The following SNX29 variants were observed in gnomAD, a reference collection of about 807,000 sequenced individuals.
SNX29 encodes sorting nexin 29.
In SNX29, 78 loss-of-function variants were observed where a neutral mutation model predicts 102.1. The observed-to-expected ratio is 0.76, with a 90% CI of 0.64 to 0.92. SNX29 has a LOEUF of 0.92. Ranked by LOEUF, SNX29 falls within the 40% of genes least tolerant of loss-of-function variation. SNX29 has a pLI of 0.00. For synonymous variants in SNX29, 580 were observed against 414.5 expected (o/e 1.40, Z -4.85); for missense variants, 1,280 against 1,061.7 (o/e 1.21, Z -2.86).
intron 15 of SNX29, among the ~76,000 whole-genome samples, chr16:12,324,303 G>A (rs571496461): frequency 9.9e-5 from 15 of 152,200 alleles, no homozygotes; most frequent in African/African-American, 3.4e-4. Context: ...CCAGGCCAGT[G>A]GTATAATGAG....
At chr16:12,527,354 T>TA (rs759376406) in intron 20 of SNX29, 262 of 490,276 alleles carry the variant, frequency 5.3e-4, no homozygotes, top group South Asian at 1.0e-3. Context: ...GATTTCTGGT[T>TA]AAAAAAAAAT....
At chr16:12,465,112 T>C (rs1001576055) in intron 18 of SNX29, among the ~76,000 whole-genome samples, 1 of 152,224 alleles carries the variant, frequency 6.6e-6, no homozygotes, top group African/African-American at 2.4e-5. Context: ...TTTCTGTATA[T>C]ATTTTGGATA....
intron 15 of SNX29, among the ~76,000 whole-genome samples, chr16:12,304,019 T>C (rs545848161): frequency 1.2e-4 from 19 of 152,358 alleles, no homozygotes; most frequent in African/African-American, 4.3e-4. Flanking sequence ...CATAGTGTTT[T>C]CTGTTAACAC....
intron 18 of SNX29, among the ~76,000 whole-genome samples, chr16:12,448,801 T>A (rs568441057): frequency 6.6e-6 from 1 of 152,196 alleles, no homozygotes; most frequent in Non-Finnish European, 1.5e-5. Context: ...GCTGTCCTGA[T>A]CAGGTGCATC....
intron 20 of SNX29, among the ~76,000 whole-genome samples, chr16:12,544,853 T>TGTGG (rs2077514858): frequency 6.6e-6 from 1 of 152,214 alleles, no homozygotes; most frequent in Non-Finnish European, 1.5e-5. Context: ...AATGCCCACA[T>TGTGG]GCAGCCAGTG....
chr16:12,395,056 T>C (rs2151482114), intron 16 of SNX29, among the ~76,000 whole-genome samples: 1 of 152,302 alleles, frequency 6.6e-6, no homozygotes, highest in Admixed American at 6.5e-5. Flanking sequence ...GGAGGTGTAA[T>C]TTTTCTTCTA....
At chr16:11,989,333 A>C (rs1164795604) in intron 1 of SNX29, among the ~76,000 whole-genome samples, 1 of 152,048 alleles carries the variant, frequency 6.6e-6, no homozygotes, top group Non-Finnish European at 1.5e-5. Context: ...TTGATCTTAG[A>C]CACCATAAGC....
At chr16:12,107,403 A>C (rs1269566249) in intron 11 of SNX29, among the ~76,000 whole-genome samples, 1 of 147,090 alleles carries the variant, frequency 6.8e-6, no homozygotes, top group Non-Finnish European at 1.5e-5. Flanking sequence ...GCGGTGGCTG[A>C]TGCTTGTAAT....
Position 12,098,573 on chromosome 16 carries a change from C to G in SNX29, c.1402+19658C>G, listed in dbSNP as rs572728128. 6.6e-6 allele frequency among the ~76,000 whole-genome samples: 1 copy of G among 152,168 alleles called. No individual in the cohort carries two copies. The highest frequency in any genetic ancestry group is 1.5e-5 in the Non-Finnish European group (1 of 68,044). ...TGTGCGCAGACGATTCAGTTTCATG[C>G]GCGCCCGATTCAGTTTCATGCTCTT... is the stretch of plus-strand genomic sequence containing the variant. On this transcript the variant is annotated intron_variant, in intron 11 of 20. Coordinates refer to ENST00000566228, the MANE Select transcript of SNX29 (RefSeq NM_032167.5). The surrounding 1 kb of genome is among the most constrained non-coding windows in gnomAD (Gnocchi z 6.0).
chr16:12,559,353 C>A (rs139949144), intron 20 of SNX29, among the ~76,000 whole-genome samples: 39 of 151,688 alleles, frequency 2.6e-4, no homozygotes, highest in Non-Finnish European at 4.1e-4. Flanking sequence ...ATGCTACTTA[C>A]GAGAATCTCA....
intron 14 of SNX29, among the ~76,000 whole-genome samples, chr16:12,243,299 C>A (rs1215747504): frequency 6.6e-6 from 1 of 152,190 alleles, no homozygotes; most frequent in African/African-American, 2.4e-5. Context: ...AGTCTGACCC[C>A]CTAGCCTGGA....
At chr16:12,547,954 G>A (rs1056637129) in intron 20 of SNX29, among the ~76,000 whole-genome samples, 2 of 152,122 alleles carry the variant, frequency 1.3e-5, no homozygotes, top group African/African-American at 4.8e-5. Flanking sequence ...CCCTCAAGGT[G>A]CTCAGTCTTT....
chr16:12,499,319 G>A (rs191272887), intron 19 of SNX29, among the ~76,000 whole-genome samples: 1 of 152,214 alleles, frequency 6.6e-6, no homozygotes, highest in Admixed American at 6.5e-5. Flanking sequence ...GAACATCACT[G>A]TTTTTTGTTT....
At chr16:12,483,727 A>G (rs1332470326) in intron 19 of SNX29, among the ~76,000 whole-genome samples, 3 of 152,174 alleles carry the variant, frequency 2.0e-5, no homozygotes, top group East Asian at 1.9e-4. Context: ...TTCTCTGTCC[A>G]TCGTGGGTTG....
intron 14 of SNX29, among the ~76,000 whole-genome samples, chr16:12,246,004 A>T (rs986848495): frequency 6.6e-6 from 1 of 152,226 alleles, no homozygotes; most frequent in Admixed American, 6.5e-5. Context: ...AACAGAGTGG[A>T]TAAGTCAACA....
intron 16 of SNX29, among the ~76,000 whole-genome samples, chr16:12,363,732 T>G (rs2082371689): frequency 6.6e-6 from 1 of 152,248 alleles, no homozygotes; most frequent in Admixed American, 6.5e-5. Context: ...AGGGTTAGTT[T>G]CCTTTCAGTG....
chr16:12,434,970 GGGGC>G, intron 18 of SNX29, among the ~76,000 whole-genome samples: 2 of 151,262 alleles, frequency 1.3e-5, no homozygotes, highest in East Asian at 3.9e-4. Context: ...CCTGTTATGG[GGGGC>G]GGTGGGGGGG....
chr16:12,219,530 AGTT>A (rs1286433529), intron 14 of SNX29, among the ~76,000 whole-genome samples: 1 of 152,194 alleles, frequency 6.6e-6, no homozygotes, highest in Non-Finnish European at 1.5e-5. Context: ...GTGTGAAGGC[AGTT>A]GTTGTGTAGA....
chr16:11,994,642 A>G (rs1355101968), intron 1 of SNX29, among the ~76,000 whole-genome samples: 2 of 152,194 alleles, frequency 1.3e-5, no homozygotes, highest in African/African-American at 4.8e-5. Context: ...GTCAAGGATT[A>G]AATAGGTCAT....
Sources: allele counts gnomAD v4.1 joint callset (sites outside exome capture counted in the v4.1 genomes callset), GRCh38; gene constraint gnomAD v4.1.1; non-coding constraint Gnocchi (gnomAD v3.1); transcripts MANE v1.5; gene names NCBI Gene and HGNC (gene_info 2026-07-23, HGNC 2026-07-21).